The following DNAH5 variants were observed in gnomAD, a reference collection of about 807,000 sequenced individuals.
The protein encoded by DNAH5 is dynein axonemal heavy chain 5, also known as axonemal beta dynein heavy chain 5.
In DNAH5, 372 loss-of-function variants were observed where a neutral mutation model predicts 518.2. The ratio of observed to expected loss-of-function variants is 0.72; its 90% CI spans 0.66 to 0.78. The LOEUF (loss-of-function observed/expected upper bound fraction) is 0.78, where lower values mean the gene tolerates loss of function less well. DNAH5 is among the 30% of genes least tolerant of loss of function. The pLI is 0.00. For synonymous variants in DNAH5, 2,039 were observed against 2,025.9 expected (o/e 1.01, Z -0.17); for missense variants, 5,523 against 5,687.0 (o/e 0.97, Z 0.93).
chr5:13,837,377 ATATTTGTGTGTT>A (rs996270402), intron 35 of DNAH5, among the ~76,000 whole-genome samples: 1 of 152,138 alleles, frequency 6.6e-6, no homozygotes, highest in African/African-American at 2.4e-5. Context: ...CAATCTCAGC[ATATTTGTGTGTT>A]GATGAAAAGG....
chr5:13,737,769 C>CAA (rs1195685416), intron 65 of DNAH5, among the ~76,000 whole-genome samples: 42 of 150,452 alleles, frequency 2.8e-4, no homozygotes, highest in Admixed American at 8.0e-4. Flanking sequence ...TACTAAAATA[C>CAA]AAAAAAAAAT....
At chr5:13,905,309 G>A (rs904169762) in intron 12 of DNAH5, among the ~76,000 whole-genome samples, 5 of 152,128 alleles carry the variant, frequency 3.3e-5, no homozygotes, top group Admixed American at 6.5e-5. Flanking sequence ...TGCTCCCATC[G>A]GTGGATTAAT....
chr5:13,804,286 C>T (rs962399505), intron 47 of DNAH5, among the ~76,000 whole-genome samples: 1 of 152,112 alleles, frequency 6.6e-6, no homozygotes, highest in African/African-American at 2.4e-5. Context: ...GTGACAGTCC[C>T]CTCTACTGAT....
At chr5:13,712,028 G>A (rs1175139235) in intron 75 of DNAH5, among the ~76,000 whole-genome samples, 4 of 152,052 alleles carry the variant, frequency 2.6e-5, no homozygotes, top group African/African-American at 9.7e-5. Flanking sequence ...AACTTCATAT[G>A]TAACCAAAAA....
chr5:13,766,153 A>G lies in DNAH5; in HGVS notation c.9924T>C (p.Thr3308=). The change falls in exon 59 of 79, where the codon ACT becomes ACC. Residue 3308 remains threonine (T), a synonymous_variant. Coordinates refer to ENST00000265104, the MANE Select transcript of DNAH5 (RefSeq NM_001369.3). ...GAGGGGGGCGGCCCAACGTGCGAAC[A>G]GTGGCGATGTCCGAAGGCCTGATGG... is the stretch of plus-strand genomic sequence containing the variant. ...LQTIRPSDIA[T]VRTLGRPPHL... 6.2e-7 allele frequency: 1 copy of G among 1,614,236 alleles called. No homozygotes were observed.
In DNAH5 at chr5:13,870,746, G is replaced by C. The variant is rs965456284; in HGVS notation, c.3834+21C>G. The C allele has an allele frequency of 1.9e-6, 3 of 1,583,752 alleles. No homozygotes were observed. In the Admixed American group the frequency reaches 5.0e-5, roughly 27 times the overall value. On this transcript the variant is annotated intron_variant, in intron 24 of 78. Coordinates refer to ENST00000265104, the MANE Select transcript of DNAH5 (RefSeq NM_001369.3). ...CAACATGTAGAAATATTTCTATAAT[G>C]AACAAATGATCATTAGTTACCTCAA...
At chr5:13,983,144 A>C (rs1454929062) in intron 1 of DNAH5, among the ~76,000 whole-genome samples, 2 of 152,194 alleles carry the variant, frequency 1.3e-5, no homozygotes, top group Non-Finnish European at 2.9e-5. Context: ...TGCAATCCCA[A>C]GACCAGTCCC....
Position 13,862,653 on chromosome 5 carries a change from C to T in DNAH5, c.4691G>A (p.Ser1564Asn), listed in dbSNP as rs1389106002. Residue 1564 changes from serine to asparagine, a missense_variant, in exon 29 of 79, where the codon AGC (serine) becomes AAC (asparagine). Transcript: ENST00000265104. ...EWDNKTFTFGSFKTRGELLLR... is the reference protein window; with the variant it reads ...EWDNKTFTFGNFKTRGELLLR... ...GAGGAGCTCTCCACGGGTTTTAAAG[C>T]TGCCGAAGGTGAATGTTTTATTGTC... is the stretch of plus-strand genomic sequence containing the variant. 1.2e-6 allele frequency: 2 copies of T among 1,613,958 alleles called. No individual in the cohort carries two copies. Among genetic ancestry groups the T allele is most frequent in the Non-Finnish European group, 1.7e-6 (2 of 1,179,930 alleles).
chr5:13,769,470 G>A (rs1164662643), intron 57 of DNAH5, 31 bp downstream of exon 57: 4 of 1,548,184 alleles, frequency 2.6e-6, no homozygotes, highest in Non-Finnish European at 3.6e-6. Flanking sequence ...AATTCAAAAG[G>A]AATGTGGCAC....
chr5:13,744,958 G>T (rs1749128168), intron 65 of DNAH5, among the ~76,000 whole-genome samples: 2 of 152,030 alleles, frequency 1.3e-5, no homozygotes, highest in Non-Finnish European at 2.9e-5. Flanking sequence ...CAGTGAGCTG[G>T]TGATAACGAT....
At chr5:13,905,036 T>C (rs766160707) in intron 12 of DNAH5, among the ~76,000 whole-genome samples, 14 of 152,136 alleles carry the variant, frequency 9.2e-5, no homozygotes, top group Non-Finnish European at 1.9e-4. Flanking sequence ...ATTCACAAAA[T>C]TGATTGTAAG....
chr5:13,714,822 AG>A (rs1744075801), intron 74 of DNAH5, among the ~76,000 whole-genome samples: 1 of 152,276 alleles, frequency 6.6e-6, no homozygotes, highest in African/African-American at 2.4e-5. Flanking sequence ...AACAGACAGT[AG>A]GCTCATGGCT....
At chr5:13,692,212 T>G (rs1038371027) in intron 78 of DNAH5, 77 bp from the exon 79 acceptor site, 1 of 1,518,146 alleles carries the variant, frequency 6.6e-7, no homozygotes, top group Non-Finnish European at 9.1e-7. Flanking sequence ...GCCATGCTTC[T>G]GCATTCTGTA....
chr5:13,982,417 T>C (rs1782740754), intron 1 of DNAH5, among the ~76,000 whole-genome samples: 1 of 151,548 alleles, frequency 6.6e-6, no homozygotes, highest in African/African-American at 2.4e-5. Flanking sequence ...CACTATTGCA[T>C]GAGTGAGTAG....
chr5:13,931,285 T>C lies in DNAH5; in HGVS notation c.58-41A>G, dbSNP rs1778392564. The C allele has an allele frequency of 2.5e-6, 4 of 1,612,488 alleles. No individual in the cohort carries two copies. The East Asian group carries it at 6.7e-5, about 27-fold the overall frequency. On this transcript the variant is annotated intron_variant, in intron 1 of 78. Coordinates refer to ENST00000265104, the MANE Select transcript of DNAH5 (RefSeq NM_001369.3). ...AAAAATGTTACATGGAAACTGCTGT[T>C]CTCAAGTGGATTCATTTTGTAATAA...
intron 10 of DNAH5, among the ~76,000 whole-genome samples, 195 bp from the exon 11 acceptor site, chr5:13,914,153 C>T (rs1213412305): frequency 2.0e-5 from 3 of 152,070 alleles, no homozygotes; most frequent in African/African-American, 2.4e-5. Flanking sequence ...AGATTCTAAT[C>T]GGGTTACTCA....
Position 13,778,526 on chromosome 5 carries a change from TGAGA to T in DNAH5, c.8952-1175_8952-1172del, listed in dbSNP as rs1250689302. On this transcript the variant is annotated intron_variant, in intron 53 of 78. Coordinates refer to ENST00000265104, the MANE Select transcript of DNAH5 (RefSeq NM_001369.3). ...AGGGAGGGAGGGAGGGGAGAGAAAG[TGAGA>T]GAGAGAGAGAAGAAAGAAAGAAAGA... is the stretch of plus-strand genomic sequence containing the variant. Among the ~76,000 whole-genome samples, 12 of 62,422 alleles carry T rather than the reference TGAGA, an allele frequency of 1.9e-4. No homozygotes were observed. The South Asian group carries it at 4.6e-3, about 24-fold the overall frequency. The allele number at this position is 62,422 out of a possible 152,430, so 41.0% of individuals were successfully genotyped here.
chr5:13,931,362 C>T, intron 1 of DNAH5, 118 bp from the exon 2 acceptor site: 1 of 1,094,950 alleles, frequency 9.1e-7, no homozygotes, highest in South Asian at 1.4e-5. Flanking sequence ...TAATAGACAG[C>T]TTAATGGTAC....
chr5:13,953,485 A>C (rs994710707), intron 1 of DNAH5, among the ~76,000 whole-genome samples: 3 of 152,200 alleles, frequency 2.0e-5, no homozygotes, highest in Non-Finnish European at 4.4e-5. Context: ...AATTAACTAC[A>C]TAAATCAACA....
Sources: gnomAD v4.1 joint callset for allele counts (sites outside exome capture counted in the v4.1 genomes callset) on GRCh38, gnomAD v4.1.1 for gene constraint, MANE v1.5 for transcripts, NCBI Gene and HGNC (gene_info 2026-07-23, HGNC 2026-07-21) for gene names.